Variants in PDE10A observed in about 807,000 individuals in gnomAD.
PDE10A encodes cAMP and cAMP-inhibited cGMP 3',5'-cyclic phosphodiesterase 10A.
PDE10A carries 39 observed loss-of-function variants against 97.7 expected under a neutral mutation model. That is an observed-to-expected ratio of 0.40 (90% CI 0.31 to 0.52). The LOEUF is 0.52. Among genes scored for constraint, PDE10A ranks in the 20% least tolerant of loss-of-function variants. The pLI is 0.56. For missense variants in PDE10A, 731 were observed against 1,047.8 expected, an observed-to-expected ratio of 0.70 and a Z score of 4.17; for synonymous variants, 371 against 376.8, an observed-to-expected ratio of 0.98 and a Z score of 0.18.
chr6:165,708,773 C>G (rs1191751186), intron 1 of PDE10A, among the ~76,000 whole-genome samples: 2 of 138,272 alleles, frequency 1.4e-5, no homozygotes, highest in Non-Finnish European at 3.1e-5. Flanking sequence ...CGCTCACCCC[C>G]CACTCTCCAC....
chr6:165,657,241 A>AT (rs1471062458), intron 1 of PDE10A, among the ~76,000 whole-genome samples: 1 of 152,238 alleles, frequency 6.6e-6, no homozygotes, highest in Non-Finnish European at 1.5e-5. Context: ...GAGTGCTACA[A>AT]AGAACACAAG....
Position 165,711,700 on chromosome 6 carries a change from G to A in PDE10A, c.-614-168132C>T, listed in dbSNP as rs1431815770. On this transcript the variant is annotated intron_variant, in intron 1 of 19. Transcript: ENST00000366882. The surrounding 1 kb of genome is among the most constrained non-coding windows in gnomAD (Gnocchi z 4.5). ...GCCCCTTTAATACCTGCTGAGCTAC[G>A]TTCAGCTCAGGCACAAGCCTGTTCA... Among the ~76,000 whole-genome samples the A allele has an allele frequency of 1.3e-5, 2 of 152,174 alleles. No homozygotes were observed. Among genetic ancestry groups the A allele is most frequent in the Non-Finnish European group, 2.9e-5 (2 of 68,034 alleles).
intron 1 of PDE10A, chr6:165,947,178 G>GA (rs976949911): frequency 6.6e-6 from 1 of 152,116 alleles, no homozygotes; most frequent in Non-Finnish European, 1.5e-5. Flanking sequence ...TTTCCTCATG[G>GA]AGTCATTTTG....
intron 19 of PDE10A, 23 bp downstream of exon 19, chr6:165,343,368 C>T (rs756949624): frequency 1.0e-5 from 15 of 1,438,336 alleles, no homozygotes; most frequent in Non-Finnish European, 1.5e-5. Context: ...CTATCTATGT[C>T]AATATAAGAA....
intron 1 of PDE10A, among the ~76,000 whole-genome samples, chr6:165,568,189 C>A (rs188932441): frequency 6.6e-6 from 1 of 151,826 alleles, no homozygotes; most frequent in African/African-American, 2.4e-5. Flanking sequence ...TTAGTAGAGA[C>A]GGGGTTTCAC....
chr6:165,981,257 G>A (rs1232793585), intron 1 of PDE10A, among the ~76,000 whole-genome samples: 2 of 152,124 alleles, frequency 1.3e-5, no homozygotes, highest in Non-Finnish European at 2.9e-5. Flanking sequence ...CCCAGTTAGT[G>A]GCTTCTCAAA....
chr6:165,503,881 T>C (rs1234549969), intron 2 of PDE10A, among the ~76,000 whole-genome samples: 2 of 152,156 alleles, frequency 1.3e-5, no homozygotes, highest in Non-Finnish European at 2.9e-5. Context: ...GTGGGAAATA[T>C]AACCCAAAAG....
At chr6:165,384,335 T>C (rs1014786605) in intron 17 of PDE10A, among the ~76,000 whole-genome samples, 8 of 136,176 alleles carry the variant, frequency 5.9e-5, no homozygotes, top group African/African-American at 2.2e-4. Context: ...GTCTGCTAAA[T>C]GTCCACCATG....
At chr6:165,839,003 T>C (rs573653509) in intron 1 of PDE10A, among the ~76,000 whole-genome samples, 38 of 152,362 alleles carry the variant, frequency 2.5e-4, no homozygotes, top group African/African-American at 8.4e-4. Context: ...AATGAAAATA[T>C]ATGACATTTG....
chr6:165,548,122 T>G (rs1434574626), intron 1 of PDE10A, among the ~76,000 whole-genome samples: 1 of 152,006 alleles, frequency 6.6e-6, no homozygotes, highest in Non-Finnish European at 1.5e-5. Context: ...TCTCATATAA[T>G]TTCAAAGCAA....
intron 1 of PDE10A, among the ~76,000 whole-genome samples, chr6:165,880,730 T>C (rs889219803): frequency 2.0e-5 from 3 of 152,206 alleles, no homozygotes; most frequent in Non-Finnish European, 4.4e-5. Flanking sequence ...TAGTTTCCAA[T>C]CATAAAATCA....
chr6:165,609,782 T>C (rs1225786408), intron 1 of PDE10A, among the ~76,000 whole-genome samples: 3 of 152,012 alleles, frequency 2.0e-5, no homozygotes, highest in Non-Finnish European at 4.4e-5. Flanking sequence ...AATAAAATAC[T>C]TAGGAATCCA....
At chr6:165,531,893 C>A (rs768083575) in intron 2 of PDE10A, among the ~76,000 whole-genome samples, 3 of 152,086 alleles carry the variant, frequency 2.0e-5, no homozygotes, top group African/African-American at 7.2e-5. Context: ...ACCTTTAAAC[C>A]ATCTTCTTGC....
chr6:165,730,426 G>T (rs1282509134), intron 1 of PDE10A, among the ~76,000 whole-genome samples: 1 of 152,132 alleles, frequency 6.6e-6, no homozygotes, highest in Non-Finnish European at 1.5e-5. Context: ...ATCATAGCAT[G>T]CATACACAAA....
chr6:165,573,681 C>G (rs1265237906), intron 1 of PDE10A, among the ~76,000 whole-genome samples: 2 of 152,136 alleles, frequency 1.3e-5, no homozygotes, highest in East Asian at 1.9e-4. Flanking sequence ...TCTTTGCTAG[C>G]AAACATTATT....
intron 1 of PDE10A, among the ~76,000 whole-genome samples, chr6:165,600,593 C>A (rs924698724): frequency 2.0e-5 from 3 of 152,192 alleles, no homozygotes; most frequent in Non-Finnish European, 4.4e-5. Context: ...TCCCTTTAAC[C>A]CCAGCAGCAT....
chr6:165,944,163 C>T (rs213996), intron 1 of PDE10A, among the ~76,000 whole-genome samples: 1 of 152,168 alleles, frequency 6.6e-6, no homozygotes, highest in Non-Finnish European at 1.5e-5. Context: ...CATCAGATCT[C>T]ATGAGAACTC....
At chr6:165,972,000 C>T (rs57575480) in intron 1 of PDE10A, among the ~76,000 whole-genome samples, 3,972 of 152,042 alleles carry the variant, frequency 0.026, 182 homozygotes, top group African/African-American at 0.091. Context: ...GTAGCAATCA[C>T]GGCATAAATA....
chr6:165,722,104 C>T (rs1242368223), intron 1 of PDE10A, among the ~76,000 whole-genome samples: 1 of 152,218 alleles, frequency 6.6e-6, no homozygotes, highest in Admixed American at 6.5e-5. Context: ...CACAGAATTA[C>T]TTACGTGATG....
Sources: allele counts gnomAD v4.1 joint callset (sites outside exome capture counted in the v4.1 genomes callset), GRCh38; gene constraint gnomAD v4.1.1; non-coding constraint Gnocchi (gnomAD v3.1); transcripts MANE v1.5; gene names NCBI Gene and HGNC (gene_info 2026-07-23, HGNC 2026-07-21).